ADGRL1: variants seen among roughly 807,000 people sequenced by gnomAD.
The protein encoded by ADGRL1 is adhesion G protein-coupled receptor L1.
Under a neutral mutation model 148.9 loss-of-function variants are expected in ADGRL1, and 31 were observed. The observed-to-expected ratio is 0.21, with a 90% confidence interval of 0.16 to 0.28. The LOEUF (loss-of-function observed/expected upper bound fraction) is 0.28. Ranked by LOEUF, ADGRL1 falls within the 10% of genes least tolerant of loss-of-function variation. The probability of loss-of-function intolerance (pLI) is 1.00; values close to 1 mark genes in which losing one functional copy is unlikely to be tolerated. For missense variants in ADGRL1, 1,521 were observed against 2,058.8 expected (o/e 0.74, Z 5.05); for synonymous variants, 937 against 900.3 (o/e 1.04, Z -0.73).
chr19:14,183,743 C>T (rs534330145), intron 1 of ADGRL1, 46 bp from the exon 2 acceptor site: 107 of 695,802 alleles, frequency 1.5e-4, no homozygotes, highest in Admixed American at 7.1e-4. Flanking sequence ...GCCTCCAGGC[C>T]GCTCCCCTCT....
chr19:14,177,138 G>A (rs1261543423), intron 3 of ADGRL1, among the ~76,000 whole-genome samples: 1 of 152,182 alleles, frequency 6.6e-6, no homozygotes, highest in Admixed American at 6.5e-5. Flanking sequence ...GGCTGAGGCA[G>A]AAGAATCGCC....
Position 14,152,187 on chromosome 19 carries a change from A to C in ADGRL1, c.3650-37T>G, listed in dbSNP as rs748034231. The stretch of plus-strand genomic sequence containing the variant: ...AGCCAGAAGAGAGAAGAGAAAAGGC[A>C]AGGATGAGCTCGAAATGCAAGTCCA... On this transcript the variant is annotated intron_variant, in intron 21 of 22. Coordinates refer to ENST00000361434, the MANE Select transcript of ADGRL1 (RefSeq NM_014921.5). This position sits in a 1 kb window ranked among gnomAD's most constrained non-coding sequence, Gnocchi z 6.1. The C allele has an allele frequency of 6.2e-7, 1 of 1,614,098 alleles. No homozygotes were observed. The highest frequency in any genetic ancestry group is 8.5e-7 in the Non-Finnish European group (1 of 1,180,000).
Position 14,159,150 on chromosome 19 carries a change from ACTC to A in ADGRL1, c.2086_2088del (p.Glu696del), listed in dbSNP as rs773245218. 3.1e-6 allele frequency: 5 copies of A among 1,613,422 alleles called. No individual in the cohort carries two copies. The African/African-American group carries it at 5.4e-5, about 17-fold the overall frequency. On this transcript the variant is annotated inframe_deletion, in exon 11 of 23. Coordinates refer to ENST00000361434, the MANE Select transcript of ADGRL1 (RefSeq NM_014921.5). This position sits in a 1 kb window ranked among gnomAD's most constrained non-coding sequence, Gnocchi z 6.0. ...AGCTGGATGGAGTTCTTTCTCGGGT[ACTC>A]CTCCTGGGGGAACACCAGCTCCTGC...
chr19:14,148,143 A>G lies in ADGRL1; in HGVS notation c.*2730T>C, dbSNP rs1967779115. Reference sequence around the variant, plus strand: ...AAGGAAGGGAGTAGGAGAGGAAACCAAGACCCTTCTCTGTACCGTCCCAGC... The same window carrying G: ...AAGGAAGGGAGTAGGAGAGGAAACCGAGACCCTTCTCTGTACCGTCCCAGC... On this transcript the variant is annotated 3_prime_UTR_variant, in exon 23 of 23. Transcript: ENST00000361434. 1 of 152,668 alleles carries G rather than the reference A, an allele frequency of 6.6e-6. No homozygotes were observed. Among genetic ancestry groups the G allele is most frequent in the South Asian group, 2.1e-4 (1 of 4,828 alleles). 9.5% of individuals were successfully genotyped at this position (152,668 alleles called of 1,614,324 possible).
intron 4 of ADGRL1, among the ~76,000 whole-genome samples, chr19:14,166,321 C>A (rs1005157108): frequency 2.0e-5 from 3 of 151,014 alleles, no homozygotes; most frequent in South Asian, 2.1e-4. Flanking sequence ...CAGGGCTGGG[C>A]CCCCAGCTGG....
In ADGRL1 at chr19:14,148,977, C is replaced by G. The variant is rs1431737181; in HGVS notation, c.*1896G>C. 2.6e-5 allele frequency: 4 copies of G among 152,924 alleles called. No homozygotes were observed. Among genetic ancestry groups the G allele is most frequent in the Admixed American group, 1.3e-4 (2 of 15,284 alleles). The allele number at this position is 152,924 out of a possible 1,614,324, so 9.5% of individuals were successfully genotyped here. A position where few individuals can be genotyped will look rare whatever the true frequency, so the allele number is the denominator to read the frequency against. On this transcript the variant is annotated 3_prime_UTR_variant, in exon 23 of 23. Coordinates refer to ENST00000361434, the MANE Select transcript of ADGRL1 (RefSeq NM_014921.5). ...GTTCATGGCAGCAGCAGGCTGAGAC[C>G]CGAAGATGTTTGAAAACTCATGGCA...
chr19:14,190,853 CGAG>C (rs1340903187), intron 1 of ADGRL1, among the ~76,000 whole-genome samples: 1 of 152,032 alleles, frequency 6.6e-6, no homozygotes, highest in African/African-American at 2.4e-5. Flanking sequence ...TTTGGGAGGC[CGAG>C]GAGGGCAGAT....
rs71170598 is a variant in ADGRL1, at chr19:14,149,922, CT to C, written c.*950del. On this transcript the variant is annotated 3_prime_UTR_variant, in exon 23 of 23. Transcript: ENST00000361434. ...CAAGTGATGAGATTTTTTTTCTTTT[CT>C]TTTTTTTTTTTTTTGTCTTTTTTTT... is the stretch of plus-strand genomic sequence containing the variant. 2,474 of 122,652 alleles carry C rather than the reference CT, an allele frequency of 0.02. 27 individuals carry two copies. Among genetic ancestry groups the C allele is most frequent in the Non-Finnish European group, 0.026 (1,485 of 57,746 alleles). The allele number at this position is 122,652 out of a possible 1,614,324, so 7.6% of individuals were successfully genotyped here.
intron 1 of ADGRL1, among the ~76,000 whole-genome samples, chr19:14,205,406 C>T (rs1178093726): frequency 6.6e-6 from 1 of 151,962 alleles, no homozygotes; most frequent in African/African-American, 2.4e-5. Flanking sequence ...GCCGGCTGGA[C>T]ACCCAGACGG....
At position 14,159,502 on chromosome 19, in the gene ADGRL1, T is replaced by C. The variant is rs149369702; in HGVS notation, c.1922A>G (p.His641Arg). The change falls in exon 10 of 23, where the codon CAC becomes CGC. Residue 641 changes from histidine (H) to arginine (R), a missense_variant. His to Arg is a conservative substitution (Grantham distance 29, BLOSUM62 0). Around this residue, in one of 8 missense-constraint regions of ADGRL1, gnomAD observed 265 missense variants for 431.9 expected, o/e 0.61. Transcript: ENST00000361434. This position sits in a 1 kb window ranked among gnomAD's most constrained non-coding sequence, Gnocchi z 6.0. The part of the protein sequence containing the change: ...WKDMNATEQV[H>R]TATMLLDVLE... ...GACGTCGAGGAGCATGGTGGCCGTG[T>C]GCACCTGCTCCGTGGCATTCATGTC... is the stretch of plus-strand genomic sequence containing the variant. The C allele has an allele frequency of 1.9e-6, 3 of 1,613,056 alleles. No homozygotes were observed. The highest frequency in any genetic ancestry group is 2.5e-6 in the Non-Finnish European group (3 of 1,179,622).
Position 14,160,574 on chromosome 19 carries a change from G to A in ADGRL1, c.1614+19C>T, listed in dbSNP as rs745718028. ...GGCCCGAGCACATGTGCCTGCCTGC[G>A]AGGGGTGGTGGCTGGTACCTTCTGG... On this transcript the variant is annotated intron_variant, in intron 7 of 22. Coordinates refer to ENST00000361434, the MANE Select transcript of ADGRL1 (RefSeq NM_014921.5). This position sits in a 1 kb window ranked among gnomAD's most constrained non-coding sequence, Gnocchi z 5.9. The A allele has an allele frequency of 1.9e-5, 29 of 1,562,880 alleles. 1 individual carries two copies. The Admixed American group carries it at 2.9e-4, about 16-fold the overall frequency.
In ADGRL1 at chr19:14,152,424, G is replaced by A; in HGVS notation, c.3534C>T (p.Asn1178=). 1 of 1,601,474 alleles carries A rather than the reference G, an allele frequency of 6.2e-7. No homozygotes were observed. The highest frequency in any genetic ancestry group is 1.1e-5 in the South Asian group (1 of 89,980). Residue 1178 remains asparagine, a synonymous_variant, in exon 21 of 23, where the codon AAC becomes AAT. Transcript: ENST00000361434. This position sits in a 1 kb window ranked among gnomAD's most constrained non-coding sequence, Gnocchi z 6.1. ...GCAGCACGGGGTTGGTCAGCAGGTG[G>A]TTCCCCATGGTACCTGGCCAAAGGA... is the stretch of plus-strand genomic sequence containing the variant. ...TPTLNRGTMG[N]HLLTNPVLQP...
chr19:14,187,859 T>C (rs1054739724), intron 1 of ADGRL1, among the ~76,000 whole-genome samples: 2 of 152,024 alleles, frequency 1.3e-5, no homozygotes, highest in African/African-American at 4.8e-5. Context: ...AAGCTGAGGA[T>C]ACTCCCCTCC....
Position 14,183,682 on chromosome 19 carries a change from G to A in ADGRL1, c.-80C>T, listed in dbSNP as rs375343733. The A allele has an allele frequency of 3.7e-5, 48 of 1,287,502 alleles. No homozygotes were observed. The highest frequency in any genetic ancestry group is 2.4e-4 in the South Asian group (18 of 73,840). 79.8% of individuals were successfully genotyped at this position (1,287,502 alleles called of 1,614,324 possible). A position where few individuals can be genotyped will look rare whatever the true frequency, so the allele number is the denominator to read the frequency against. On this transcript the variant is annotated 5_prime_UTR_variant, in exon 2 of 23. Coordinates refer to ENST00000361434, the MANE Select transcript of ADGRL1 (RefSeq NM_014921.5). ...CCCCACATCACCTGGCAGGCACCACGGCCTGGACCACCAGCCTGGGGGAGG... is the reference window on the plus strand; with the variant it reads ...CCCCACATCACCTGGCAGGCACCACAGCCTGGACCACCAGCCTGGGGGAGG...
In ADGRL1 at chr19:14,151,434, C is replaced by T. The variant is rs370305964; in HGVS notation, c.3849G>A (p.Leu1283=). The change falls in exon 23 of 23, where the codon CTG becomes CTA. Residue 1283 remains leucine, a synonymous_variant. Transcript: ENST00000361434. ...TGCTCCCCCGCAGGTTGTTGTGCAC[C>T]AGCTCTGAGATGATCATCTTCTCAA... is the stretch of plus-strand genomic sequence containing the variant. The part of the protein sequence containing the change: ...AAFEKMIISE[L]VHNNLRGSSS... The T allele has an allele frequency of 5.9e-5, 95 of 1,612,832 alleles. No individual in the cohort carries two copies. The highest frequency in any genetic ancestry group is 7.5e-5 in the Non-Finnish European group (88 of 1,179,864).
At chr19:14,203,994 C>T (rs1343115881) in intron 1 of ADGRL1, among the ~76,000 whole-genome samples, 1 of 152,110 alleles carries the variant, frequency 6.6e-6, no homozygotes, top group African/African-American at 2.4e-5. Flanking sequence ...GGGCCGGGAC[C>T]CACATGTGAG....
chr19:14,193,431 A>C (rs1206469072), intron 1 of ADGRL1, among the ~76,000 whole-genome samples: 1 of 151,762 alleles, frequency 6.6e-6, no homozygotes, highest in African/African-American at 2.4e-5. Flanking sequence ...CACAAAAAAC[A>C]CAAAAATTAG....
chr19:14,199,121 G>A (rs991433678), intron 1 of ADGRL1, among the ~76,000 whole-genome samples: 1 of 152,194 alleles, frequency 6.6e-6, no homozygotes, highest in African/African-American at 2.4e-5. Context: ...CCGGCATAGC[G>A]CCCTTAAGTT....
At chr19:14,204,674 G>T (rs564644651) in intron 1 of ADGRL1, among the ~76,000 whole-genome samples, 3 of 151,082 alleles carry the variant, frequency 2.0e-5, no homozygotes, top group Admixed American at 2.0e-4. Flanking sequence ...GAGAGGGGAA[G>T]AGAGAAAGAC....
Sources: allele counts gnomAD v4.1 joint callset (sites outside exome capture counted in the v4.1 genomes callset), GRCh38; gene constraint gnomAD v4.1.1; regional missense constraint gnomAD v4.1.1; non-coding constraint Gnocchi (gnomAD v3.1); transcripts MANE v1.5; gene names NCBI Gene and HGNC (gene_info 2026-07-23, HGNC 2026-07-21).